SELENOO: variants seen among roughly 807,000 people sequenced by gnomAD.
SELENOO encodes selenoprotein O, also known as protein adenylyltransferase SelO, mitochondrial.
Under a neutral mutation model 58.7 loss-of-function variants are expected in SELENOO, and 74 were observed. That is an observed-to-expected ratio of 1.26 (90% CI 1.04 to 1.53). The LOEUF (loss-of-function observed/expected upper bound fraction) is 1.53, where lower values mean the gene tolerates loss of function less well. Ranked by LOEUF, SELENOO falls within the 40% of genes most tolerant of loss-of-function variation. SELENOO has a pLI of 0.00. For synonymous variants in SELENOO, 543 were observed against 453.2 expected (o/e 1.20, Z -2.52); for missense variants, 1,149 against 970.0 (o/e 1.18, Z -2.45).
intron 5 of SELENOO, among the ~76,000 whole-genome samples, chr22:50,211,394 G>A (rs2064370646): frequency 6.6e-6 from 1 of 152,172 alleles, no homozygotes; most frequent in Admixed American, 6.5e-5. Context: ...GGTCGTGTGG[G>A]TGACTCACTG....
intron 5 of SELENOO, among the ~76,000 whole-genome samples, chr22:50,212,650 C>T (rs796122986): frequency 5.3e-5 from 8 of 152,166 alleles, no homozygotes; most frequent in South Asian, 2.1e-4. Flanking sequence ...CACTCCGCTC[C>T]GAGTCTGTGA....
intron 4 of SELENOO, 101 bp downstream of exon 4, chr22:50,210,412 G>T: frequency 6.9e-7 from 1 of 1,458,590 alleles, no homozygotes. Flanking sequence ...GATGCTTGAG[G>T]GGGAGCCGAG....
At chr22:50,205,938 G>A (rs548183946) in intron 1 of SELENOO, 18 of 254,630 alleles carry the variant, frequency 7.1e-5, no homozygotes, top group South Asian at 4.9e-4. Context: ...GGCCCGTACC[G>A]GGGCACCCAT....
In SELENOO at chr22:50,201,183, C is replaced by T. The variant is rs2064296316; in HGVS notation, c.147C>T (p.Arg49=). ...CGCCTCGCTGGCTGGCGGGGCTGCG[C>T]TTCGACAACCGCGCCCTGCGCGCCC... ...EPAPRWLAGL[R]FDNRALRALP... The change falls in exon 1 of 9, where the codon CGC becomes CGT. Residue 49 remains arginine, a synonymous_variant. Coordinates refer to ENST00000380903, the MANE Select transcript of SELENOO (RefSeq NM_031454.2). 2.3e-5 allele frequency: 28 copies of T among 1,226,970 alleles called. No individual in the cohort carries two copies. In the East Asian group the frequency reaches 9.4e-4, roughly 41 times the overall value. The allele number at this position is 1,226,970 out of a possible 1,614,324, so 76.0% of individuals were successfully genotyped here.
At chr22:50,211,200 A>G (rs781447023) in intron 5 of SELENOO, among the ~76,000 whole-genome samples, 4 of 152,198 alleles carry the variant, frequency 2.6e-5, no homozygotes, top group Non-Finnish European at 2.9e-5. Flanking sequence ...AAGGCTGAGA[A>G]GCATCCCGTT....
intron 5 of SELENOO, among the ~76,000 whole-genome samples, chr22:50,211,647 C>T (rs2064372272): frequency 6.6e-6 from 1 of 152,222 alleles, no homozygotes; most frequent in Non-Finnish European, 1.5e-5. Flanking sequence ...TCATTCATAT[C>T]TCCTTGCATT....
At chr22:50,214,844 A>T (rs944126121) in intron 5 of SELENOO, among the ~76,000 whole-genome samples, 76 of 152,172 alleles carry the variant, frequency 5.0e-4, no homozygotes, top group Non-Finnish European at 9.0e-4. Context: ...GGGTTTCTTC[A>T]TCCTTTCACT....
chr22:50,208,089 C>G (rs2064343910), intron 2 of SELENOO, among the ~76,000 whole-genome samples: 2 of 151,808 alleles, frequency 1.3e-5, no homozygotes, highest in African/African-American at 4.8e-5. Flanking sequence ...TGGTTGTTTG[C>G]TTTTGTTTTA....
intron 2 of SELENOO, among the ~76,000 whole-genome samples, chr22:50,207,366 C>T (rs1250004893): frequency 6.6e-6 from 1 of 152,148 alleles, no homozygotes; most frequent in African/African-American, 2.4e-5. Context: ...TCTGGTGATT[C>T]ACCCATCTTG....
At chr22:50,211,166 C>T (rs1247987956) in intron 5 of SELENOO, among the ~76,000 whole-genome samples, 2 of 152,140 alleles carry the variant, frequency 1.3e-5, no homozygotes, top group East Asian at 1.9e-4. Flanking sequence ...CACCCAGGTC[C>T]GTATCAGGAT....
chr22:50,207,116 T>A (rs2064338084), intron 2 of SELENOO, among the ~76,000 whole-genome samples: 1 of 152,054 alleles, frequency 6.6e-6, no homozygotes, highest in Non-Finnish European at 1.5e-5. Flanking sequence ...AGCCATCAGT[T>A]ATCAGTTCTC....
intron 2 of SELENOO, among the ~76,000 whole-genome samples, chr22:50,207,808 C>T (rs1253717041): frequency 8.0e-6 from 1 of 124,926 alleles, no homozygotes; most frequent in Non-Finnish European, 1.7e-5. Flanking sequence ...GGTGAGCGCT[C>T]ACAGATGTGT....
chr22:50,206,894 G>GC (rs1255205898), intron 2 of SELENOO, among the ~76,000 whole-genome samples: 4 of 152,212 alleles, frequency 2.6e-5, no homozygotes, highest in South Asian at 2.1e-4. Flanking sequence ...GGTGCTTCTG[G>GC]GGGGGAGGGG....
rs375960902 is a variant in SELENOO, at chr22:50,210,927, G to A, written c.1351+16G>A. 7.4e-5 allele frequency: 119 copies of A among 1,613,724 alleles called. No individual in the cohort carries two copies. Among genetic ancestry groups the A allele is most frequent in the South Asian group, 2.5e-4 (23 of 91,066 alleles). On this transcript the variant is annotated intron_variant, in intron 5 of 8. Transcript: ENST00000380903. ...CATCTGACCGGTGAGTGACCCAGCC[G>A]TGCCCACAGCAAGGCGCCTCCCGTG...
chr22:50,217,417 T>C lies in SELENOO; in HGVS notation c.*48T>C. 1.3e-6 allele frequency: 2 copies of C among 1,594,116 alleles called. No homozygotes were observed. Among genetic ancestry groups the C allele is most frequent in the South Asian group, 2.2e-5 (2 of 88,988 alleles). On this transcript the variant is annotated 3_prime_UTR_variant, in exon 9 of 9. Transcript: ENST00000380903. The stretch of plus-strand genomic sequence containing the variant: ...CCTGGAGTCTCCCGAGGCCCCCATG[T>C]GCTGCTGAGTGGCCAAGATGATGCC...
rs2064431743 is a variant in SELENOO at position 50,217,496 on chromosome 22, C to G, written c.*127C>G. On this transcript the variant is annotated 3_prime_UTR_variant, in exon 9 of 9. Transcript: ENST00000380903. The stretch of plus-strand genomic sequence containing the variant: ...CCCTGGCCCATGCACACCCGTCTTT[C>G]CATGATGGCAGAGACATCCAGTCAG... The G allele has an allele frequency of 5.7e-6, 7 of 1,225,148 alleles. No homozygotes were observed. Among genetic ancestry groups the G allele is most frequent in the Non-Finnish European group, 8.0e-6 (7 of 879,788 alleles). The allele number at this position is 1,225,148 out of a possible 1,614,324, so 75.9% of individuals were successfully genotyped here. A position where few individuals can be genotyped will look rare whatever the true frequency, so the allele number is the denominator to read the frequency against.
Position 50,210,674 on chromosome 22 carries a change from C to T in SELENOO, c.1114C>T (p.Arg372Cys), listed in dbSNP as rs187774731. The T allele has an allele frequency of 1.6e-5, 26 of 1,613,148 alleles. No homozygotes were observed. Among genetic ancestry groups the T allele is most frequent in the African/African-American group, 2.7e-5 (2 of 75,068 alleles). Residue 372 changes from arginine (R) to cysteine (C), a missense_variant, in exon 5 of 9, where the codon CGC becomes TGC. Coordinates refer to ENST00000380903, the MANE Select transcript of SELENOO (RefSeq NM_031454.2). ...GTGCAATGCCTCCGACAACACCGGC[C>T]GCTACGCGTACAGCAAGCAGCCCGA... ...HVCNASDNTG[R>C]YAYSKQPEVC... is the part of the protein sequence containing the mutation.
intron 5 of SELENOO, among the ~76,000 whole-genome samples, chr22:50,213,839 G>A (rs946390176): frequency 2.0e-5 from 3 of 151,882 alleles, no homozygotes; most frequent in African/African-American, 7.3e-5. Flanking sequence ...TAGTAGAGAC[G>A]GGGTTTCACC....
intron 3 of SELENOO, 198 bp downstream of exon 3, chr22:50,208,914 G>T: frequency 5.2e-6 from 3 of 573,970 alleles, no homozygotes; most frequent in Non-Finnish European, 9.2e-6. Context: ...CCTGGGCTCC[G>T]TGGTGTTGGG....
Sources: allele counts gnomAD v4.1 joint callset (sites outside exome capture counted in the v4.1 genomes callset), GRCh38; gene constraint gnomAD v4.1.1; transcripts MANE v1.5; gene names NCBI Gene and HGNC (gene_info 2026-07-23, HGNC 2026-07-21).